The following REPS2 variants were observed in gnomAD, a reference collection of about 807,000 sequenced individuals.
REPS2 encodes RALBP1 associated Eps domain containing 2.
In REPS2, 23 loss-of-function variants were observed where a neutral mutation model predicts 53.6. The ratio of observed to expected loss-of-function variants is 0.43; its 90% CI spans 0.31 to 0.61. The LOEUF is 0.61. Ranked by LOEUF, REPS2 falls within the 20% of genes least tolerant of loss-of-function variation. The probability of loss-of-function intolerance (pLI) is 0.11; values close to 1 mark genes in which losing one functional copy is unlikely to be tolerated. For synonymous variants in REPS2, 238 were observed against 218.6 expected (o/e 1.09, Z -0.78); for missense variants, 446 against 534.9 (o/e 0.83, Z 1.64).
Position 17,135,292 on chromosome X carries a change from C to T in REPS2, c.1694C>T (p.Pro565Leu). ...DVLYSQPPSK[P>L]IRRKFRPENQ... is the part of the protein sequence containing the mutation. ...CTGTATTCTCAGCCACCATCAAAGC[C>T]CATTCGTAGGAAATTCAGACCAGAA... The change falls in exon 16 of 18, where the codon CCC (proline) becomes CTC (leucine). Residue 565 changes from proline (P) to leucine (L), a missense_variant. By Grantham distance (98) the Pro-to-Leu change is moderately conservative (BLOSUM62 -3). Coordinates refer to ENST00000357277, the MANE Select transcript of REPS2 (RefSeq NM_004726.3). 1 of 1,210,919 alleles carries T rather than the reference C, an allele frequency of 8.3e-7. No homozygotes were observed. The highest frequency in any genetic ancestry group is 1.1e-6 in the Non-Finnish European group (1 of 895,074).
At chrX:17,098,881 A>G (rs998977326) in intron 13 of REPS2, among the ~76,000 whole-genome samples, 2 of 111,566 alleles carry the variant, frequency 1.8e-5, no homozygotes, top group African/African-American at 6.5e-5. Flanking sequence ...CCAACACCTC[A>G]GCCAGTGGCT....
At chrX:17,186,907 G>C in the REPS2 span, among the ~76,000 whole-genome samples, 1 of 110,425 alleles carries the variant, frequency 9.1e-6, no homozygotes, top group Non-Finnish European at 1.9e-5. Context: ...ATGTATAATG[G>C]ACATTGGAGA....
At chrX:16,957,033 C>T (rs934858836) in intron 1 of REPS2, among the ~76,000 whole-genome samples, 2 of 112,282 alleles carry the variant, frequency 1.8e-5, no homozygotes, top group African/African-American at 6.5e-5. Flanking sequence ...GGTTCAGTCT[C>T]CTGGAGGTAG....
intron 1 of REPS2, among the ~76,000 whole-genome samples, chrX:16,976,829 A>T (rs2060960946): frequency 1.8e-5 from 2 of 111,580 alleles, no homozygotes; most frequent in African/African-American, 6.5e-5. Context: ...AAAATACTCA[A>T]ATAATAAAAT....
At chrX:17,037,303 C>CATTG (rs1395304687) in intron 5 of REPS2, among the ~76,000 whole-genome samples, 10 of 110,689 alleles carry the variant, frequency 9.0e-5, no homozygotes, top group East Asian at 5.7e-4. Flanking sequence ...CTTTTCTTTT[C>CATTG]ATTGATTGAT....
chrX:17,044,185 G>A (rs1216719515), intron 5 of REPS2, among the ~76,000 whole-genome samples: 3 of 111,023 alleles, frequency 2.7e-5, no homozygotes, highest in Non-Finnish European at 5.7e-5. Context: ...ATGTCAAGAG[G>A]AGCTAGAAAG....
chrX:16,947,840 T>C (rs187646183), intron 1 of REPS2, among the ~76,000 whole-genome samples: 1 of 111,747 alleles, frequency 8.9e-6, no homozygotes, highest in African/African-American at 3.3e-5. Context: ...TTACTTGGAC[T>C]TGAAATAGAA....
rs1246820424 is a variant in REPS2 at position 17,148,974 on chromosome X, T to A, written c.*1493T>A. 1 of 375,283 alleles carries A rather than the reference T, an allele frequency of 2.7e-6. No homozygotes were observed. Among genetic ancestry groups the A allele is most frequent in the South Asian group, 2.3e-5 (1 of 42,795 alleles). 30.9% of individuals were successfully genotyped at this position (375,283 alleles called of 1,213,427 possible). A position where few individuals can be genotyped will look rare whatever the true frequency, so the allele number is the denominator to read the frequency against. ...TTAGAACAAGCAGGCATTTATTTAATGTTTCCTTAGTCCATTGGCAAGCTT... is the reference window on the plus strand; with the variant it reads ...TTAGAACAAGCAGGCATTTATTTAAAGTTTCCTTAGTCCATTGGCAAGCTT... On this transcript the variant is annotated 3_prime_UTR_variant, in exon 18 of 18. Coordinates refer to ENST00000357277, the MANE Select transcript of REPS2 (RefSeq NM_004726.3).
intron 1 of REPS2, among the ~76,000 whole-genome samples, chrX:16,980,526 C>T (rs1252698625): frequency 9.0e-6 from 1 of 111,094 alleles, no homozygotes; most frequent in Non-Finnish European, 1.9e-5. Context: ...TGGTCGCGAT[C>T]TCTTGACCTC....
chrX:17,028,947 TA>T (rs1212189731), intron 4 of REPS2, among the ~76,000 whole-genome samples: 1 of 112,125 alleles, frequency 8.9e-6, no homozygotes, highest in East Asian at 2.8e-4. Context: ...TTTTGTGGCT[TA>T]AAAAGTTATT....
chrX:17,082,004 A>G (rs1235476621), intron 13 of REPS2, among the ~76,000 whole-genome samples: 1 of 112,044 alleles, frequency 8.9e-6, no homozygotes, highest in Non-Finnish European at 1.9e-5. Context: ...CTTTTCCTCA[A>G]TGAAACAGTT....
intron 3 of REPS2, among the ~76,000 whole-genome samples, chrX:17,024,132 A>G (rs977500547): frequency 1.2e-4 from 13 of 107,870 alleles, no homozygotes; most frequent in Admixed American, 9.1e-4. Flanking sequence ...CAAAAAAAAA[A>G]AAAAAAAATT....
chrX:16,977,332 C>T (rs981402710), intron 1 of REPS2, among the ~76,000 whole-genome samples: 4 of 110,877 alleles, frequency 3.6e-5, no homozygotes, highest in African/African-American at 6.6e-5. Context: ...GGTCCTGAGC[C>T]AGCTGGAAGG....
rs6632944 is a variant in REPS2, at chrX:17,019,679, T to C, written c.398-2444T>C. On this transcript the variant is annotated intron_variant, in intron 2 of 17. Coordinates refer to ENST00000357277, the MANE Select transcript of REPS2 (RefSeq NM_004726.3). ...TCTTTACGAAAAATAAAAAAAGAAA[T>C]TAGCCAGCATGGTGGCAAGCACCTG... Among the ~76,000 whole-genome samples the C allele has an allele frequency of 5.0e-3, 552 of 110,493 alleles. 3 individuals carry two copies. Among genetic ancestry groups the C allele is most frequent in the African/African-American group, 0.017 (530 of 30,395 alleles).
chrX:17,051,190 T>C (rs1310771826), intron 6 of REPS2, among the ~76,000 whole-genome samples: 1 of 111,762 alleles, frequency 8.9e-6, no homozygotes, highest in African/African-American at 3.3e-5. Flanking sequence ...TGATTGGATC[T>C]CATTATTTTT....
At chrX:16,951,763 G>A in intron 1 of REPS2, among the ~76,000 whole-genome samples, 1 of 111,497 alleles carries the variant, frequency 9.0e-6, no homozygotes, top group East Asian at 2.8e-4. Flanking sequence ...AAAGCAGCAA[G>A]TTTTGTATTT....
At chrX:17,056,812 T>G (rs1262564868) in intron 8 of REPS2, among the ~76,000 whole-genome samples, 1 of 112,403 alleles carries the variant, frequency 8.9e-6, no homozygotes, top group Non-Finnish European at 1.9e-5. Context: ...CAGATGAAGA[T>G]ATAGAATATT....
At chrX:16,964,684 A>G (rs1329594302) in intron 1 of REPS2, among the ~76,000 whole-genome samples, 1 of 90,119 alleles carries the variant, frequency 1.1e-5, no homozygotes, top group African/African-American at 4.2e-5. Flanking sequence ...TCCCTCCTGG[A>G]CGGGGCGGCT....
At chrX:16,962,582 A>G (rs945352644) in intron 1 of REPS2, among the ~76,000 whole-genome samples, 3 of 111,579 alleles carry the variant, frequency 2.7e-5, no homozygotes, top group African/African-American at 9.8e-5. Context: ...CAATAAGTCT[A>G]GAGATGTACA....
Sources: allele counts gnomAD v4.1 joint callset (sites outside exome capture counted in the v4.1 genomes callset), GRCh38; gene constraint gnomAD v4.1.1; transcripts MANE v1.5; gene names NCBI Gene and HGNC (gene_info 2026-07-23, HGNC 2026-07-21).